The following GPHN variants were observed in gnomAD, a reference collection of about 807,000 sequenced individuals.
GPHN encodes gephyrin.
Under a neutral mutation model 95.5 loss-of-function variants are expected in GPHN, and 17 were observed. The observed-to-expected ratio is 0.18, with a 90% CI of 0.12 to 0.27. The LOEUF (loss-of-function observed/expected upper bound fraction) is 0.27, where lower values mean the gene tolerates loss of function less well. GPHN is among the 10% of genes least tolerant of loss of function. The pLI is 1.00. For missense variants in GPHN, 660 were observed against 978.1 expected (o/e 0.67, Z 4.34); for synonymous variants, 320 against 322.5 (o/e 0.99, Z 0.08).
At chr14:67,174,245 G>A (rs992352395) in intron 21 of GPHN, among the ~76,000 whole-genome samples, 21 of 5,036 alleles carry the variant, frequency 4.2e-3, no homozygotes, top group East Asian at 0.013. Flanking sequence ...ACAACCCCCC[G>A]ACAGGCCCCA....
At chr14:67,230,464 C>T in the GPHN span, among the ~76,000 whole-genome samples, 1 of 152,058 alleles carries the variant, frequency 6.6e-6, no homozygotes, top group Non-Finnish European at 1.5e-5. Context: ...CCCAGCTATT[C>T]AGGAGACTGA....
chr14:67,229,533 A>G, the GPHN span, among the ~76,000 whole-genome samples: 3 of 152,326 alleles, frequency 2.0e-5, no homozygotes, highest in African/African-American at 7.2e-5. Flanking sequence ...ATATTTTTCC[A>G]TTAAACACAA....
chr14:67,656,717 GA>G, the GPHN span: 1 of 1,028,586 alleles, frequency 9.7e-7, no homozygotes, highest in East Asian at 2.7e-5. Context: ...TTTTAAGACA[GA>G]ACCAAAGAAG....
chr14:67,458,505 T>C, the GPHN span, among the ~76,000 whole-genome samples: 1 of 152,210 alleles, frequency 6.6e-6, no homozygotes, highest in African/African-American at 2.4e-5. Context: ...TTGTTCTTTC[T>C]AAGCATTTGT....
chr14:67,647,791 A>G, the GPHN span: 21 of 454,464 alleles, frequency 4.6e-5, no homozygotes, highest in Non-Finnish European at 7.1e-5. Context: ...TAAGGCAGAA[A>G]TATACATTGG....
At chr14:66,909,431 G>C (rs539602375) in intron 5 of GPHN, among the ~76,000 whole-genome samples, 2 of 152,048 alleles carry the variant, frequency 1.3e-5, no homozygotes, top group South Asian at 4.2e-4. Context: ...TCAAAAATAA[G>C]ATACTAACAT....
the GPHN span, among the ~76,000 whole-genome samples, chr14:67,400,933 T>A: frequency 6.6e-6 from 1 of 151,786 alleles, no homozygotes; most frequent in Non-Finnish European, 1.5e-5. Flanking sequence ...GAGGCTATAG[T>A]GAGCTATGAT....
chr14:67,350,066 TACATA>T, the GPHN span, among the ~76,000 whole-genome samples: 1 of 152,268 alleles, frequency 6.6e-6, no homozygotes, highest in African/African-American at 2.4e-5. Flanking sequence ...TTTGGAGAAT[TACATA>T]ACATATGTAA....
the GPHN span, chr14:67,301,480 A>G: frequency 7.7e-5 from 121 of 1,581,496 alleles, 1 homozygote; most frequent in East Asian, 2.7e-3. Context: ...GAAAATGGAC[A>G]GAATACTATA....
At chr14:67,294,306 A>G in the GPHN span, 22 of 152,184 alleles carry the variant, frequency 1.4e-4, no homozygotes, top group African/African-American at 5.1e-4. Flanking sequence ...ATACTTGTGA[A>G]AAAAGCACAT....
At chr14:67,673,905 C>A in the GPHN span, among the ~76,000 whole-genome samples, 1 of 152,194 alleles carries the variant, frequency 6.6e-6, no homozygotes, top group Non-Finnish European at 1.5e-5. Context: ...TAAAGGCCAG[C>A]TCTCTACCCT....
chr14:67,727,284 T>C, the GPHN span: 1 of 882,972 alleles, frequency 1.1e-6, no homozygotes, highest in Non-Finnish European at 1.8e-6. Context: ...AACATGCACG[T>C]GTCAGTAATA....
At chr14:66,527,914 A>G (rs1019260451) in intron 1 of GPHN, among the ~76,000 whole-genome samples, 22 of 152,082 alleles carry the variant, frequency 1.4e-4, no homozygotes, top group Admixed American at 1.3e-3. Context: ...AGTAAGTGTG[A>G]TGTGGTCCTG....
intron 1 of GPHN, among the ~76,000 whole-genome samples, chr14:66,608,145 C>T (rs2062628747): frequency 6.7e-6 from 1 of 149,300 alleles, no homozygotes; most frequent in African/African-American, 2.4e-5. Context: ...TTCCTCTTAA[C>T]ATGCTGTAGT....
At chr14:67,259,226 A>G in the GPHN span, among the ~76,000 whole-genome samples, 4 of 152,222 alleles carry the variant, frequency 2.6e-5, no homozygotes, top group African/African-American at 9.6e-5. Context: ...CCCGATTTCT[A>G]TACATGTATA....
At chr14:67,000,127 G>C (rs2153610057) in intron 9 of GPHN, among the ~76,000 whole-genome samples, 1 of 151,780 alleles carries the variant, frequency 6.6e-6, no homozygotes, top group East Asian at 1.9e-4. Context: ...TTTTAAAGTT[G>C]TAACATGCAA....
intron 6 of GPHN, among the ~76,000 whole-genome samples, 192 bp from the exon 7 acceptor site, chr14:66,922,474 T>A (rs2066273858): frequency 6.6e-6 from 1 of 152,146 alleles, no homozygotes; most frequent in Non-Finnish European, 1.5e-5. Context: ...TTCCTTAGCT[T>A]ATGGAGAATG....
At chr14:66,938,022 G>A (rs1353954951) in intron 8 of GPHN, among the ~76,000 whole-genome samples, 2 of 152,144 alleles carry the variant, frequency 1.3e-5, no homozygotes, top group Non-Finnish European at 2.9e-5. Flanking sequence ...TTCTCTGGGA[G>A]GGCATTGTCA....
intron 1 of GPHN, among the ~76,000 whole-genome samples, chr14:66,659,367 G>T (rs75712446): frequency 0.012 from 1,841 of 151,900 alleles, 19 homozygotes; most frequent in Non-Finnish European, 0.018. Flanking sequence ...ACAGAACATG[G>T]TCTATATTGA....
Sources: allele counts gnomAD v4.1 joint callset (sites outside exome capture counted in the v4.1 genomes callset), GRCh38; gene constraint gnomAD v4.1.1; transcripts MANE v1.5; gene names NCBI Gene and HGNC (gene_info 2026-07-23, HGNC 2026-07-21).